The following CSMD3 variants were observed in gnomAD, a reference collection of about 807,000 sequenced individuals.
The protein encoded by CSMD3 is CUB and Sushi multiple domains 3, also known as CUB and sushi domain-containing protein 3.
Under a neutral mutation model 435.2 loss-of-function variants are expected in CSMD3, and 177 were observed. The observed-to-expected ratio is 0.41, with a 90% confidence interval of 0.36 to 0.46. The LOEUF (loss-of-function observed/expected upper bound fraction) is 0.46, where lower values mean the gene tolerates loss of function less well. CSMD3 is among the 20% of genes least tolerant of loss of function. The probability of loss-of-function intolerance (pLI) is 0.34; values close to 1 mark genes in which losing one functional copy is unlikely to be tolerated. For synonymous variants in CSMD3, 1,656 were observed against 1,520.5 expected (o/e 1.09, Z -2.07); for missense variants, 4,265 against 4,504.6 (o/e 0.95, Z 1.52).
At chr8:112,271,832 T>C (rs1261958924) in intron 59 of CSMD3, among the ~76,000 whole-genome samples, 2 of 152,212 alleles carry the variant, frequency 1.3e-5, no homozygotes, top group Non-Finnish European at 2.9e-5. Context: ...TTTGTTTCTT[T>C]AGTGCTATGG....
chr8:112,236,598 T>C (rs896409927), intron 67 of CSMD3, among the ~76,000 whole-genome samples: 1 of 152,092 alleles, frequency 6.6e-6, no homozygotes, highest in East Asian at 1.9e-4. Flanking sequence ...GGTCAGGTCA[T>C]TGGGAGTATT....
At chr8:112,586,701 A>C (rs1272339076) in intron 23 of CSMD3, among the ~76,000 whole-genome samples, 1 of 151,132 alleles carries the variant, frequency 6.6e-6, no homozygotes, top group Non-Finnish European at 1.5e-5. Flanking sequence ...TATATTTCTT[A>C]AAGAAATGAC....
In CSMD3 at chr8:112,288,901, T is replaced by A. The variant is rs1369078438; in HGVS notation, c.9148+464A>T. Among the ~76,000 whole-genome samples the A allele has an allele frequency of 2.0e-5, 3 of 152,126 alleles. No individual in the cohort carries two copies. The East Asian group carries it at 5.8e-4, about 29-fold the overall frequency. ...TTAGATTAGTTCAATTTACAACATT[T>A]TGGACTTTATTTTAAAATTATACCA... On this transcript the variant is annotated intron_variant, in intron 57 of 70. Coordinates refer to ENST00000297405, the MANE Select transcript of CSMD3 (RefSeq NM_198123.2).
chr8:112,265,185 C>A (rs1055960900), intron 60 of CSMD3, among the ~76,000 whole-genome samples: 5 of 151,716 alleles, frequency 3.3e-5, no homozygotes, highest in Non-Finnish European at 5.9e-5. Flanking sequence ...TACATTAAAG[C>A]TTATTGTCAT....
At chr8:113,032,050 C>G (rs2087132731) in intron 5 of CSMD3, among the ~76,000 whole-genome samples, 1 of 151,590 alleles carries the variant, frequency 6.6e-6, no homozygotes, top group African/African-American at 2.4e-5. Flanking sequence ...GCCTTCCCAG[C>G]CATGTGAAAC....
At chr8:112,784,294 G>A (rs2078479165) in intron 13 of CSMD3, among the ~76,000 whole-genome samples, 1 of 151,668 alleles carries the variant, frequency 6.6e-6, no homozygotes, top group Admixed American at 6.6e-5. Context: ...GTACTAAAAG[G>A]AAAGTTTATA....
At chr8:112,594,005 AG>A (rs902516369) in intron 22 of CSMD3, among the ~76,000 whole-genome samples, 6 of 152,098 alleles carry the variant, frequency 3.9e-5, no homozygotes, top group African/African-American at 1.2e-4. Flanking sequence ...GGAATAGTAC[AG>A]GGGAGGAGCC....
At chr8:113,002,945 A>G (rs2085918413) in intron 6 of CSMD3, among the ~76,000 whole-genome samples, 1 of 152,098 alleles carries the variant, frequency 6.6e-6, no homozygotes, top group African/African-American at 2.4e-5. Flanking sequence ...TCATGATATA[A>G]TTAACTAGTG....
At chr8:112,272,530 A>G (rs1353719766) in intron 59 of CSMD3, among the ~76,000 whole-genome samples, 1 of 152,124 alleles carries the variant, frequency 6.6e-6, no homozygotes, top group East Asian at 1.9e-4. Context: ...TATAGAGAAT[A>G]ACATGAATGG....
intron 36 of CSMD3, 126 bp from the exon 37 acceptor site, chr8:112,383,789 A>G: frequency 1.4e-6 from 1 of 715,544 alleles, no homozygotes; most frequent in South Asian, 1.5e-5. Context: ...CCTTCATAGA[A>G]GGGTTTTTAA....
chr8:112,976,334 T>C (rs2084848015), intron 6 of CSMD3, among the ~76,000 whole-genome samples, 186 bp from the exon 7 acceptor site: 1 of 152,080 alleles, frequency 6.6e-6, no homozygotes, highest in Non-Finnish European at 1.5e-5. Flanking sequence ...CTATCAACCA[T>C]CCTATGGATA....
chr8:113,173,996 G>GTAGA, intron 3 of CSMD3, 80 bp from the exon 4 acceptor site: 1 of 979,282 alleles, frequency 1.0e-6, no homozygotes. Context: ...AATTATATAT[G>GTAGA]TAGATATGGA....
intron 41 of CSMD3, among the ~76,000 whole-genome samples, chr8:112,343,589 G>T (rs144095546): frequency 6.6e-6 from 1 of 152,008 alleles, no homozygotes; most frequent in East Asian, 1.9e-4. Context: ...TCTTTCACAC[G>T]TCCTGCAGCA....
chr8:113,362,888 T>C (rs2094286644), intron 1 of CSMD3, among the ~76,000 whole-genome samples: 1 of 152,202 alleles, frequency 6.6e-6, no homozygotes, highest in African/African-American at 2.4e-5. Context: ...AGTATTTGCC[T>C]CTGGAACCCA....
chr8:112,253,628 C>G (rs1815486938), intron 63 of CSMD3, among the ~76,000 whole-genome samples: 1 of 151,868 alleles, frequency 6.6e-6, no homozygotes, highest in Admixed American at 6.6e-5. Context: ...TCTTTTGTAA[C>G]TGAAAAGTTG....
chr8:112,854,300 T>G (rs2080583888), intron 11 of CSMD3, among the ~76,000 whole-genome samples: 1 of 152,190 alleles, frequency 6.6e-6, no homozygotes, highest in African/African-American at 2.4e-5. Flanking sequence ...TTTTTGGTCT[T>G]GCCAGAGCTG....
chr8:112,354,147 C>T (rs1326576201), intron 38 of CSMD3, among the ~76,000 whole-genome samples: 1 of 152,048 alleles, frequency 6.6e-6, no homozygotes, highest in African/African-American at 2.4e-5. Flanking sequence ...AATCCAACAT[C>T]ACTTAATGAT....
rs116817514 is a variant in CSMD3 at position 113,415,399 on chromosome 8, C to A, written c.178+21278G>T. Reference sequence around the variant, plus strand: ...ACAAAAGTTAAAGACCAGGCCTGTACAAAGAAGGCTATGATGAACACTAAA... The same window carrying A: ...ACAAAAGTTAAAGACCAGGCCTGTAAAAAGAAGGCTATGATGAACACTAAA... On this transcript the variant is annotated intron_variant, in intron 1 of 70. Transcript: ENST00000297405. Among the ~76,000 whole-genome samples the A allele has an allele frequency of 4.6e-3, 700 of 152,132 alleles. 9 individuals carry two copies. Among genetic ancestry groups the A allele is most frequent in the African/African-American group, 0.016 (671 of 41,494 alleles).
At chr8:113,106,147 A>G (rs2090468566) in intron 4 of CSMD3, among the ~76,000 whole-genome samples, 1 of 152,058 alleles carries the variant, frequency 6.6e-6, no homozygotes. Flanking sequence ...AAACAAACGA[A>G]CCAAAATCAA....
Sources: allele counts gnomAD v4.1 joint callset (sites outside exome capture counted in the v4.1 genomes callset), GRCh38; gene constraint gnomAD v4.1.1; transcripts MANE v1.5; gene names NCBI Gene and HGNC (gene_info 2026-07-23, HGNC 2026-07-21).